PDIA5: variants seen among roughly 807,000 people sequenced by gnomAD.
PDIA5 encodes the protein protein disulfide isomerase family A member 5.
PDIA5 carries 58 observed loss-of-function variants against 77.6 expected under a neutral mutation model. The observed-to-expected ratio is 0.75, with a 90% CI of 0.61 to 0.93. PDIA5 has a LOEUF of 0.93. Ranked by LOEUF, PDIA5 falls within the 40% of genes least tolerant of loss-of-function variation. PDIA5 has a pLI of 0.00. For missense variants in PDIA5, 630 were observed against 647.7 expected (o/e 0.97, Z 0.30); for synonymous variants, 250 against 252.1 (o/e 0.99, Z 0.08).
chr3:123,161,593 C>G, intron 16 of PDIA5, 138 bp downstream of exon 16: 4 of 944,534 alleles, frequency 4.2e-6, no homozygotes, highest in Non-Finnish European at 6.3e-6. Flanking sequence ...GAGGCCCAGG[C>G]CCTGGGCCTG....
Position 123,110,963 on chromosome 3 carries a change from AGAAG to A in PDIA5, c.505_508del (p.Glu169ArgfsTer5). On this transcript the variant is annotated frameshift_variant, in exon 7 of 17. Coordinates refer to ENST00000316218, the MANE Select transcript of PDIA5 (RefSeq NM_006810.4). LOFTEE classifies it high-confidence loss of function. ...CCTCAGGACTTCAGACGGCTCCTGA[AGAAG>A]GAAGAGAAGCCGCTCCTGATCATGT... 1 of 1,613,890 alleles carries A rather than the reference AGAAG, an allele frequency of 6.2e-7. No homozygotes were observed. Among genetic ancestry groups the A allele is most frequent in the Non-Finnish European group, 8.5e-7 (1 of 1,179,852 alleles).
At chr3:123,088,994 G>T (rs1934213039) in intron 1 of PDIA5, 174 bp from the exon 2 acceptor site, 3 of 542,376 alleles carry the variant, frequency 5.5e-6, no homozygotes, top group Non-Finnish European at 9.7e-6. Context: ...GAGACTGGGA[G>T]TGGGCTGGGG....
intron 11 of PDIA5, chr3:123,145,306 T>G (rs1166253401): frequency 3.6e-6 from 2 of 556,602 alleles, no homozygotes; most frequent in South Asian, 2.4e-5. Flanking sequence ...GTATTATTTA[T>G]GCAGTTGTTT....
chr3:123,105,788 C>A (rs1271605569), intron 5 of PDIA5, among the ~76,000 whole-genome samples: 2 of 152,162 alleles, frequency 1.3e-5, no homozygotes, highest in Non-Finnish European at 2.9e-5. Flanking sequence ...AGCATCTGCT[C>A]GCTGGAGCGT....
intron 7 of PDIA5, among the ~76,000 whole-genome samples, chr3:123,111,899 C>G (rs371404031): frequency 2.0e-5 from 3 of 152,186 alleles, no homozygotes; most frequent in Non-Finnish European, 2.9e-5. Flanking sequence ...ATTGGTTCTA[C>G]GTACTGCTTC....
intron 1 of PDIA5, among the ~76,000 whole-genome samples, chr3:123,071,711 A>G (rs1933727554): frequency 6.6e-6 from 1 of 152,156 alleles, no homozygotes; most frequent in South Asian, 2.1e-4. Context: ...CCGAGTGATC[A>G]GAGAAGGCCC....
intron 10 of PDIA5, among the ~76,000 whole-genome samples, chr3:123,126,215 C>T (rs1406289355): frequency 6.6e-6 from 1 of 152,068 alleles, no homozygotes; most frequent in African/African-American, 2.4e-5. Flanking sequence ...TCCATCCTCC[C>T]ACCCCTCTCC....
rs1935871504 is a variant in PDIA5 at position 123,150,647 on chromosome 3, G to GTT, written c.1273+283_1273+284insTT. 5.9e-5 allele frequency among the ~76,000 whole-genome samples: 9 copies of GTT among 151,890 alleles called. No homozygotes were observed. The South Asian group carries it at 1.9e-3, about 32-fold the overall frequency. On this transcript the variant is annotated intron_variant, in intron 14 of 16. Transcript: ENST00000316218. ...CTGTGCTCGTCCCCTCTTGTCCCTG[G>GTT]GCTCCTCCATGCCCCTGTCCCCTAC... is the stretch of plus-strand genomic sequence containing the variant.
intron 1 of PDIA5, among the ~76,000 whole-genome samples, chr3:123,079,175 CTTTTTTTTTT>C (rs35252405): frequency 1.1e-5 from 1 of 94,080 alleles, no homozygotes; most frequent in African/African-American, 4.3e-5. Context: ...ATTTTGAATT[CTTTTTTTTTT>C]TTTTTTTTTT....
rs779096792 is a variant in PDIA5 at position 123,098,330 on chromosome 3, C to T, written c.258-4081C>T. On this transcript the variant is annotated intron_variant, in intron 3 of 16. Transcript: ENST00000316218. ...TGAAAGACCTCAGACCCCCACCCTCCGACCCCGCCGTCTCCCAGACCTTGT... is the reference window on the plus strand; with the variant it reads ...TGAAAGACCTCAGACCCCCACCCTCTGACCCCGCCGTCTCCCAGACCTTGT... 3.9e-5 allele frequency among the ~76,000 whole-genome samples: 6 copies of T among 152,142 alleles called. No homozygotes were observed. The East Asian group carries it at 7.7e-4, about 19-fold the overall frequency.
At chr3:123,122,326 G>A (rs923630967) in intron 8 of PDIA5, among the ~76,000 whole-genome samples, 81 of 152,300 alleles carry the variant, frequency 5.3e-4, no homozygotes, top group African/African-American at 1.9e-3. Context: ...GGAACAGGCC[G>A]CTGGAGCAGT....
chr3:123,090,990 T>C (rs375466190), intron 2 of PDIA5, among the ~76,000 whole-genome samples: 10 of 152,304 alleles, frequency 6.6e-5, no homozygotes, highest in African/African-American at 1.7e-4. Flanking sequence ...CTCCCTCCCA[T>C]CCTTCCAAGC....
At chr3:123,081,709 A>T (rs1934008871) in intron 1 of PDIA5, among the ~76,000 whole-genome samples, 1 of 152,166 alleles carries the variant, frequency 6.6e-6, no homozygotes, top group African/African-American at 2.4e-5. Flanking sequence ...GCTTTTACAT[A>T]ATTGAATATC....
intron 3 of PDIA5, among the ~76,000 whole-genome samples, chr3:123,094,032 G>A (rs1934368804): frequency 6.6e-6 from 1 of 152,204 alleles, no homozygotes; most frequent in Non-Finnish European, 1.5e-5. Context: ...ACAGACTATG[G>A]AGATTCAACT....
intron 1 of PDIA5, among the ~76,000 whole-genome samples, chr3:123,075,019 CT>C (rs1933815481): frequency 6.6e-6 from 1 of 152,086 alleles, no homozygotes; most frequent in South Asian, 2.1e-4. Context: ...CAAATTATTT[CT>C]GTTTGGTAAA....
chr3:123,106,210 A>G (rs1186559694), intron 5 of PDIA5, among the ~76,000 whole-genome samples: 1 of 152,234 alleles, frequency 6.6e-6, no homozygotes, highest in African/African-American at 2.4e-5. Flanking sequence ...GCGGATAATC[A>G]GGATTTAATC....
At chr3:123,077,056 T>C (rs919817980) in intron 1 of PDIA5, among the ~76,000 whole-genome samples, 1 of 152,138 alleles carries the variant, frequency 6.6e-6, no homozygotes, top group Non-Finnish European at 1.5e-5. Flanking sequence ...AAGCAAAATA[T>C]AAGAAATGCA....
intron 11 of PDIA5, among the ~76,000 whole-genome samples, chr3:123,136,218 AGCCACTGCACTTG>A (rs2107971788): frequency 6.6e-6 from 1 of 152,316 alleles, no homozygotes; most frequent in East Asian, 1.9e-4. Flanking sequence ...TATAGGCATG[AGCCACTGCACTTG>A]GCCACTTGTA....
intron 1 of PDIA5, among the ~76,000 whole-genome samples, chr3:123,075,400 G>T (rs1174568279): frequency 6.6e-6 from 1 of 152,170 alleles, no homozygotes; most frequent in Non-Finnish European, 1.5e-5. Context: ...TGAAAGAATG[G>T]GGAGAGGAGG....
Sources: gnomAD v4.1 joint callset for allele counts (sites outside exome capture counted in the v4.1 genomes callset) on GRCh38, gnomAD v4.1.1 for gene constraint, MANE v1.5 for transcripts, NCBI Gene and HGNC (gene_info 2026-07-23, HGNC 2026-07-21) for gene names.